Variants in CRYBA4 observed in about 807,000 individuals in gnomAD.
CRYBA4 encodes beta-crystallin A4.
A neutral mutation model predicts 31.7 loss-of-function variants in CRYBA4; 30 were observed. That is an observed-to-expected ratio of 0.95 (90% CI 0.71 to 1.28). CRYBA4 has a LOEUF of 1.28. Among genes scored for constraint, CRYBA4 ranks in the 50% most tolerant of loss-of-function variants. The pLI, the probability that CRYBA4 is intolerant of heterozygous loss-of-function variation, is 0.00. For missense variants in CRYBA4, 225 were observed against 260.7 expected, an observed-to-expected ratio of 0.86 and a Z score of 0.94; for synonymous variants, 102 against 102.3, an observed-to-expected ratio of 1.00 and a Z score of 0.02.
At position 26,623,302 on chromosome 22, in the gene CRYBA4, G is replaced by A. The variant is rs201161420; in HGVS notation, c.108G>A (p.Val36=). The change falls in exon 3 of 6, where the codon GTG becomes GTA. Residue 36 remains valine (V), a synonymous_variant. Transcript: ENST00000354760. The stretch of plus-strand genomic sequence containing the variant: ...AGTTCACGGCCGAGTGCCCCAGCGT[G>A]CTGGAGCTTGGCTTCGAGACTGTGC... ...RHEFTAECPS[V]LELGFETVRS... 66 of 1,613,976 alleles carry A rather than the reference G, an allele frequency of 4.1e-5. No homozygotes were observed. In the Middle Eastern group the frequency reaches 4.9e-4, roughly 12 times the overall value.
At chr22:26,613,248 A>G in the CRYBA4 span, among the ~76,000 whole-genome samples, 1 of 152,186 alleles carries the variant, frequency 6.6e-6, no homozygotes, top group Non-Finnish European at 1.5e-5. Flanking sequence ...TGCCATTCAC[A>G]TGGACCAAGG....
At chr22:26,605,442 G>T in the CRYBA4 span, among the ~76,000 whole-genome samples, 1 of 145,188 alleles carries the variant, frequency 6.9e-6, no homozygotes, top group South Asian at 2.5e-4. Context: ...GGGAGGCCCA[G>T]GCGGGTAGAT....
chr22:26,593,792 C>T, the CRYBA4 span, among the ~76,000 whole-genome samples: 4 of 152,174 alleles, frequency 2.6e-5, no homozygotes, highest in Non-Finnish European at 5.9e-5. Flanking sequence ...TCCCAAAGTG[C>T]TGGGATTACA....
At chr22:26,625,916 T>C (rs998840310) in intron 4 of CRYBA4, among the ~76,000 whole-genome samples, 1 of 152,078 alleles carries the variant, frequency 6.6e-6, no homozygotes, top group Admixed American at 6.5e-5. Flanking sequence ...CCTTTTTTTT[T>C]TGTGATTCAG....
chr22:26,611,709 C>T, the CRYBA4 span, among the ~76,000 whole-genome samples: 2 of 152,032 alleles, frequency 1.3e-5, no homozygotes, highest in African/African-American at 2.4e-5. Context: ...CTCCTGACCT[C>T]GTGATCCACC....
rs1269594442 is a variant in CRYBA4, at chr22:26,630,603, C to T, written c.*116C>T. On this transcript the variant is annotated 3_prime_UTR_variant, in exon 6 of 6. Transcript: ENST00000354760. The stretch of plus-strand genomic sequence containing the variant: ...CTGTAACCTGTGTGAACCCAGCACC[C>T]ATGTGAACTGGTCCGTGCACAGTCA... 1 of 857,262 alleles carries T rather than the reference C, an allele frequency of 1.2e-6. No homozygotes were observed. Among genetic ancestry groups the T allele is most frequent in the Non-Finnish European group, 1.9e-6 (1 of 531,062 alleles). The allele number at this position is 857,262 out of a possible 1,614,324, so 53.1% of individuals were successfully genotyped here. A position where few individuals can be genotyped will look rare whatever the true frequency, so the allele number is the denominator to read the frequency against.
chr22:26,607,822 A>C, the CRYBA4 span: 1 of 1,610,388 alleles, frequency 6.2e-7, no homozygotes, highest in South Asian at 1.1e-5. Context: ...CCCTTGTCAG[A>C]TCTCAGACTT....
the CRYBA4 span, among the ~76,000 whole-genome samples, chr22:26,592,927 T>G: frequency 2.8e-4 from 42 of 152,278 alleles, no homozygotes; most frequent in African/African-American, 9.9e-4. Context: ...ATCAGAATGA[T>G]CGTCTTGTTG....
chr22:26,624,870 C>T (rs1425478903), intron 3 of CRYBA4, among the ~76,000 whole-genome samples: 1 of 152,198 alleles, frequency 6.6e-6, no homozygotes, highest in Non-Finnish European at 1.5e-5. Context: ...TTGCTGCTGT[C>T]GCCTGTGGGG....
chr22:26,597,445 G>C, the CRYBA4 span, among the ~76,000 whole-genome samples: 1 of 152,194 alleles, frequency 6.6e-6, no homozygotes, highest in Non-Finnish European at 1.5e-5. Context: ...ATGTCTTGAG[G>C]AAGAGACATC....
At chr22:26,593,278 A>G in the CRYBA4 span, among the ~76,000 whole-genome samples, 1 of 152,238 alleles carries the variant, frequency 6.6e-6, no homozygotes, top group Non-Finnish European at 1.5e-5. Flanking sequence ...GTAGCATAAT[A>G]CACATTGATC....
At chr22:26,621,085 C>A (rs147483996), upstream of CRYBA4, among the ~76,000 whole-genome samples, 1 of 152,162 alleles carries the variant, frequency 6.6e-6, no homozygotes, top group Non-Finnish European at 1.5e-5. Flanking sequence ...TGAGGGACCT[C>A]TTAGGTCCCT....
At chr22:26,630,307 G>C in intron 5 of CRYBA4, 33 bp from the exon 6 acceptor site, 1 of 1,613,614 alleles carries the variant, frequency 6.2e-7, no homozygotes, top group South Asian at 1.1e-5. Flanking sequence ...TGGTGTCTCT[G>C]TAGAGTAACT....
chr22:26,608,228 C>T, the CRYBA4 span, among the ~76,000 whole-genome samples: 2 of 152,010 alleles, frequency 1.3e-5, no homozygotes, highest in Admixed American at 6.5e-5. Flanking sequence ...CCTCTCTGAG[C>T]CTTTGTTTCT....
intron 2 of CRYBA4, among the ~76,000 whole-genome samples, chr22:26,622,943 T>C (rs1485436198): frequency 1.3e-5 from 2 of 152,228 alleles, no homozygotes; most frequent in African/African-American, 4.8e-5. Flanking sequence ...TTTAAAAGCC[T>C]GGAAGAACCA....
At position 26,627,472 on chromosome 22, in the gene CRYBA4, CTT is replaced by C. The variant is rs1480048286; in HGVS notation, c.301-814_301-813del. Among the ~76,000 whole-genome samples the C allele has an allele frequency of 2.7e-4, 25 of 92,748 alleles. 1 individual carries two copies. Among genetic ancestry groups the C allele is most frequent in the Non-Finnish European group, 4.6e-4 (23 of 49,576 alleles). 60.8% of individuals were successfully genotyped at this position (92,748 alleles called of 152,430 possible). A position where few individuals can be genotyped will look rare whatever the true frequency, so the allele number is the denominator to read the frequency against. On this transcript the variant is annotated intron_variant, in intron 4 of 5. Transcript: ENST00000354760. The stretch of plus-strand genomic sequence containing the variant: ...CTTCTTTCTTTTTCTTTCTTTCTTT[CTT>C]TCTCTTTCTTTCCTTTTCTTTCTTT...
the CRYBA4 span, chr22:26,616,380 T>C: frequency 1.5e-6 from 2 of 1,369,210 alleles, no homozygotes; most frequent in Non-Finnish European, 2.1e-6. Context: ...ACCCCCAAAC[T>C]GCCTCCTGCC....
the CRYBA4 span, among the ~76,000 whole-genome samples, chr22:26,597,739 A>G: frequency 1.3e-5 from 2 of 152,208 alleles, no homozygotes; most frequent in African/African-American, 2.4e-5. Context: ...ATGATTCCTG[A>G]TGTACCCCAG....
chr22:26,616,165 G>A, the CRYBA4 span: 10 of 1,614,054 alleles, frequency 6.2e-6, no homozygotes, highest in South Asian at 3.3e-5. Flanking sequence ...AGGCAGTTCC[G>A]CCGCCTTGGC....
Sources: gnomAD v4.1 joint callset for allele counts (sites outside exome capture counted in the v4.1 genomes callset) on GRCh38, gnomAD v4.1.1 for gene constraint, MANE v1.5 for transcripts, NCBI Gene and HGNC (gene_info 2026-07-23, HGNC 2026-07-21) for gene names.